Variants in ANTXR1 observed in about 807,000 individuals in gnomAD.
The protein encoded by ANTXR1 is ANTXR cell adhesion molecule 1.
Under a neutral mutation model 78.1 loss-of-function variants are expected in ANTXR1, and 19 were observed. The observed-to-expected ratio is 0.24, with a 90% CI of 0.17 to 0.36. The LOEUF (loss-of-function observed/expected upper bound fraction) is 0.36. Among genes scored for constraint, ANTXR1 ranks in the 10% least tolerant of loss-of-function variants. The pLI is 1.00. For synonymous variants in ANTXR1, 273 were observed against 260.5 expected, an observed-to-expected ratio of 1.05 and a Z score of -0.46; for missense variants, 518 against 718.6, an observed-to-expected ratio of 0.72 and a Z score of 3.19.
At chr2:69,081,124 C>A in intron 8 of ANTXR1, among the ~76,000 whole-genome samples, 1 of 152,330 alleles carries the variant, frequency 6.6e-6, no homozygotes, top group South Asian at 2.1e-4. Context: ...AACCACCACT[C>A]TCTGAAGAAG....
intron 17 of ANTXR1, among the ~76,000 whole-genome samples, chr2:69,202,068 T>G (rs1173306386): frequency 6.6e-6 from 1 of 152,084 alleles, no homozygotes; most frequent in African/African-American, 2.4e-5. Context: ...GGCAAAGATC[T>G]GAGAGTCATT....
intron 17 of ANTXR1, among the ~76,000 whole-genome samples, chr2:69,213,526 C>T (rs774509721): frequency 5.9e-5 from 9 of 152,224 alleles, no homozygotes; most frequent in Non-Finnish European, 1.2e-4. Context: ...ATGTTGTCAA[C>T]AAGATGCAAC....
intron 12 of ANTXR1, 115 bp downstream of exon 12, chr2:69,124,758 T>A: frequency 9.2e-7 from 1 of 1,081,750 alleles, no homozygotes; most frequent in Non-Finnish European, 1.4e-6. Flanking sequence ...TTCTTCGTTC[T>A]GCTTGCTGAG....
chr2:69,094,983 T>A (rs751423767), intron 9 of ANTXR1, among the ~76,000 whole-genome samples: 10 of 152,202 alleles, frequency 6.6e-5, no homozygotes, highest in Non-Finnish European at 1.0e-4. Context: ...TAAGAAAAGC[T>A]GACACAACCT....
chr2:69,231,038 G>T (rs28625418), intron 17 of ANTXR1, among the ~76,000 whole-genome samples: 1,523 of 152,236 alleles, frequency 0.01, 29 homozygotes, highest in African/African-American at 0.035. Flanking sequence ...GCTCCCACTT[G>T]TAAGTGAGAA....
chr2:69,033,905 A>G (rs1032426493), intron 1 of ANTXR1, among the ~76,000 whole-genome samples: 1 of 152,236 alleles, frequency 6.6e-6, no homozygotes, highest in Non-Finnish European at 1.5e-5. Context: ...GCTAATGGAA[A>G]GAGCCTGTGT....
chr2:69,196,198 A>G (rs1674665513), intron 17 of ANTXR1, among the ~76,000 whole-genome samples: 1 of 152,236 alleles, frequency 6.6e-6, no homozygotes, highest in Non-Finnish European at 1.5e-5. Context: ...GAGACATAAT[A>G]CCACCTTGAA....
At chr2:69,120,195 C>T (rs1672295208) in intron 10 of ANTXR1, among the ~76,000 whole-genome samples, 1 of 152,140 alleles carries the variant, frequency 6.6e-6, no homozygotes, top group African/African-American at 2.4e-5. Context: ...TCGAATAGCT[C>T]ATGTAATTTA....
intron 17 of ANTXR1, among the ~76,000 whole-genome samples, chr2:69,237,514 G>C (rs1346344794): frequency 6.6e-6 from 1 of 152,212 alleles, no homozygotes; most frequent in African/African-American, 2.4e-5. Flanking sequence ...GCCCATTGCA[G>C]CCTCAAACTC....
At chr2:69,141,476 TC>T (rs1673066613) in intron 12 of ANTXR1, among the ~76,000 whole-genome samples, 1 of 152,136 alleles carries the variant, frequency 6.6e-6, no homozygotes. Flanking sequence ...TTTTCAAAAG[TC>T]TTTGAGTCCA....
chr2:69,157,522 C>T (rs536384019), intron 13 of ANTXR1, among the ~76,000 whole-genome samples: 1 of 152,008 alleles, frequency 6.6e-6, no homozygotes. Context: ...AATGGATGTG[C>T]CATTGTTCTC....
intron 12 of ANTXR1, among the ~76,000 whole-genome samples, chr2:69,151,960 A>T (rs1673410999): frequency 6.6e-6 from 1 of 152,204 alleles, no homozygotes; most frequent in Non-Finnish European, 1.5e-5. Context: ...CTCTCTGAAA[A>T]GATAAATTCA....
chr2:69,136,237 G>T (rs1473506159), intron 12 of ANTXR1, among the ~76,000 whole-genome samples: 1 of 152,016 alleles, frequency 6.6e-6, no homozygotes, highest in East Asian at 1.9e-4. Flanking sequence ...ATTTTCCACT[G>T]CCCACCCCCA....
intron 13 of ANTXR1, among the ~76,000 whole-genome samples, chr2:69,160,164 G>A (rs574127617): frequency 6.6e-6 from 1 of 152,044 alleles, no homozygotes; most frequent in East Asian, 1.9e-4. Flanking sequence ...ATTATTTCTC[G>A]TTAGCACACA....
At chr2:69,209,836 A>G (rs1313077457) in intron 17 of ANTXR1, among the ~76,000 whole-genome samples, 1 of 152,196 alleles carries the variant, frequency 6.6e-6, no homozygotes, top group East Asian at 1.9e-4. Context: ...GAGGAAAGAC[A>G]TTTGGATTTT....
At chr2:69,180,431 T>G (rs1451975433) in intron 14 of ANTXR1, among the ~76,000 whole-genome samples, 2 of 152,242 alleles carry the variant, frequency 1.3e-5, no homozygotes, top group African/African-American at 2.4e-5. Context: ...GGTGATATTT[T>G]TCTCCCCACA....
chr2:69,186,981 T>C (rs11889830), intron 16 of ANTXR1, among the ~76,000 whole-genome samples: 12,993 of 152,218 alleles, frequency 0.085, 1,530 homozygotes, highest in African/African-American at 0.26. Flanking sequence ...ACAACAGCTC[T>C]ACCTCACACA....
chr2:69,143,595 T>C (rs1673132383), intron 12 of ANTXR1, among the ~76,000 whole-genome samples: 1 of 151,902 alleles, frequency 6.6e-6, no homozygotes, highest in African/African-American at 2.4e-5. Context: ...GTTTAAACTA[T>C]GGGAGGAAAT....
intron 17 of ANTXR1, among the ~76,000 whole-genome samples, chr2:69,229,539 A>G (rs1675537205): frequency 6.6e-6 from 1 of 152,212 alleles, no homozygotes; most frequent in African/African-American, 2.4e-5. Flanking sequence ...AAATACCTCA[A>G]CATAAATAAA....
Sources: allele counts gnomAD v4.1 joint callset (sites outside exome capture counted in the v4.1 genomes callset), GRCh38; gene constraint gnomAD v4.1.1; transcripts MANE v1.5; gene names NCBI Gene and HGNC (gene_info 2026-07-23, HGNC 2026-07-21).